GNB2: variants seen among roughly 807,000 people sequenced by gnomAD.
GNB2 encodes the protein guanine nucleotide-binding protein G(I)/G(S)/G(T) subunit beta-2.
In GNB2, 7 loss-of-function variants were observed where a neutral mutation model predicts 40.7. The observed-to-expected ratio is 0.17, with a 90% CI of 0.10 to 0.32. The LOEUF (loss-of-function observed/expected upper bound fraction) is 0.32. GNB2 is among the 10% of genes least tolerant of loss of function. The pLI, the probability that GNB2 is intolerant of heterozygous loss-of-function variation, is 1.00. For missense variants in GNB2, 286 were observed against 473.0 expected, an observed-to-expected ratio of 0.60 and a Z score of 3.67; for synonymous variants, 254 against 191.2, an observed-to-expected ratio of 1.33 and a Z score of -2.71.
Position 100,677,512 on chromosome 7 carries a change from G to A in GNB2, c.282G>A (p.Pro94=), listed in dbSNP as rs367658010. The change falls in exon 6 of 10, where the codon CCG becomes CCA. Residue 94 remains proline, a synonymous_variant. Transcript: ENST00000303210. ...CTGCTCCGCAGGTCCACGCCATCCC[G>A]CTGCGCTCCTCCTGGGTAATGACCT... The part of the protein sequence containing the change: ...SYTTNKVHAI[P]LRSSWVMTCA... 2.2e-5 allele frequency: 35 copies of A among 1,613,346 alleles called. No individual in the cohort carries two copies. Among genetic ancestry groups the A allele is most frequent in the South Asian group, 7.7e-5 (7 of 91,092 alleles).
At position 100,677,980 on chromosome 7, in the gene GNB2, G is replaced by C. The variant is rs933461518; in HGVS notation, c.498-118G>C. ...GCGTCCCCTCCCCACCTAAGGCTCT[G>C]AGAAGAGCCTCCCTGGACCCTTCCA... On this transcript the variant is annotated intron_variant, in intron 7 of 9. Transcript: ENST00000303210. The C allele has an allele frequency of 1.1e-5, 12 of 1,044,722 alleles. 1 individual carries two copies. Among genetic ancestry groups the C allele is most frequent in the South Asian group, 8.3e-5 (6 of 72,146 alleles). 64.7% of individuals were successfully genotyped at this position (1,044,722 alleles called of 1,614,324 possible). A position where few individuals can be genotyped will look rare whatever the true frequency, so the allele number is the denominator to read the frequency against.
At chr7:100,676,414 G>A in intron 2 of GNB2, 92 bp downstream of exon 2, 2 of 1,277,092 alleles carry the variant, frequency 1.6e-6, no homozygotes, top group South Asian at 1.2e-5. Flanking sequence ...GGAAGGGGGA[G>A]GGAGGGCCCC....
At position 100,673,899 on chromosome 7, in the gene GNB2, C is replaced by G. The variant is rs1804296241; in HGVS notation, c.-114C>G. The G allele has an allele frequency of 5.6e-6, 1 of 179,010 alleles. No homozygotes were observed. 11.1% of individuals were successfully genotyped at this position (179,010 alleles called of 1,614,324 possible). ...GCCGCCCGCGCACCGCCAGCGACCT[C>G]CGCCGCAGAGTCCCACCGCCACAGG... On this transcript the variant is annotated 5_prime_UTR_variant, in exon 1 of 10. Coordinates refer to ENST00000303210, the MANE Select transcript of GNB2 (RefSeq NM_005273.4).
rs757418824 is a variant in GNB2 at position 100,676,292 on chromosome 7, G to A, written c.27G>A (p.Gln9=). 1.2e-6 allele frequency: 2 copies of A among 1,608,574 alleles called. No individual in the cohort carries two copies. The highest frequency in any genetic ancestry group is 1.7e-6 in the Non-Finnish European group (2 of 1,178,088). The stretch of plus-strand genomic sequence containing the variant: ...TGAGTGAGCTGGAGCAACTGAGACA[G>A]GAGGCCGAGCAGCTCCGGAACCAGA... The part of the protein sequence containing the change: MSELEQLR[Q]EAEQLRNQIR... The change falls in exon 2 of 10, where the codon CAG becomes CAA. Residue 9 remains glutamine (Q), a synonymous_variant. Transcript: ENST00000303210.
chr7:100,676,321 G>T lies in GNB2; in HGVS notation c.56G>T (p.Arg19Leu). The T allele has an allele frequency of 6.2e-7, 1 of 1,604,328 alleles. No individual in the cohort carries two copies. ...GCCGAGCAGCTCCGGAACCAGATCCGGGTGAGGGCCTGGTGCGGGGCGGGC... is the reference window on the plus strand; with the variant it reads ...GCCGAGCAGCTCCGGAACCAGATCCTGGTGAGGGCCTGGTGCGGGGCGGGC... ...QEAEQLRNQI[R>L]DARKACGDST... The change falls in exon 2 of 10, where the codon CGG becomes CTG. Residue 19 changes from arginine to leucine, a missense_variant and splice_region_variant. Arg to Leu is a moderately radical substitution (Grantham distance 102). Transcript: ENST00000303210.
rs552922010 is a variant in GNB2 at position 100,678,881 on chromosome 7, C to T, written c.*80C>T. Reference sequence around the variant, plus strand: ...ACAGGCCAGGGCTGCGGGGCTGGCGCAATCCCAGCCCCCTTCCCCGGGCCA... The same window carrying T: ...ACAGGCCAGGGCTGCGGGGCTGGCGTAATCCCAGCCCCCTTCCCCGGGCCA... On this transcript the variant is annotated 3_prime_UTR_variant, in exon 10 of 10. Coordinates refer to ENST00000303210, the MANE Select transcript of GNB2 (RefSeq NM_005273.4). The T allele has an allele frequency of 1.7e-5, 19 of 1,104,474 alleles. No individual in the cohort carries two copies. In the South Asian group the frequency reaches 2.0e-4, roughly 12 times the overall value. 68.4% of individuals were successfully genotyped at this position (1,104,474 alleles called of 1,614,324 possible).
rs145101383 is a variant in GNB2 at position 100,678,089 on chromosome 7, C to G, written c.498-9C>G. 6.2e-7 allele frequency: 1 copy of G among 1,605,252 alleles called. No homozygotes were observed. The highest frequency in any genetic ancestry group is 8.5e-7 in the Non-Finnish European group (1 of 1,171,962). Reference sequence around the variant, plus strand: ...TCTTATCTTTTCTTTCTTCCTGTCACCTCTCCAGTGCCCTGTGGGACATTG... The same window carrying G: ...TCTTATCTTTTCTTTCTTCCTGTCAGCTCTCCAGTGCCCTGTGGGACATTG... On this transcript the variant is annotated splice_polypyrimidine_tract_variant and intron_variant, in intron 7 of 9. Coordinates refer to ENST00000303210, the MANE Select transcript of GNB2 (RefSeq NM_005273.4).
chr7:100,677,359 G>C lies in GNB2; in HGVS notation c.211G>C (p.Val71Leu), dbSNP rs1490518173. 6.2e-7 allele frequency: 1 copy of C among 1,613,704 alleles called. No homozygotes were observed. The highest frequency in any genetic ancestry group is 8.5e-7 in the Non-Finnish European group (1 of 1,179,680). The stretch of plus-strand genomic sequence containing the variant: ...TACACCGTTCCCCACCAGGCTGCTG[G>C]TCAGCGCCTCCCAGGATGGGAAGCT... ...MHWGTDSRLLVSASQDGKLII... is the reference protein window; with the variant it reads ...MHWGTDSRLLLSASQDGKLII... Residue 71 changes from valine to leucine, a missense_variant, in exon 5 of 10, where the codon GTC (valine) becomes CTC (leucine). Coordinates refer to ENST00000303210, the MANE Select transcript of GNB2 (RefSeq NM_005273.4).
Position 100,679,045 on chromosome 7 carries a change from C to T in GNB2, c.*244C>T, listed in dbSNP as rs1432656470. 3.9e-6 allele frequency: 2 copies of T among 512,440 alleles called. No homozygotes were observed. The highest frequency in any genetic ancestry group is 3.0e-5 in the East Asian group (1 of 33,190). 31.7% of individuals were successfully genotyped at this position (512,440 alleles called of 1,614,324 possible). The stretch of plus-strand genomic sequence containing the variant: ...TTCTGCTGCCCTGGGGTTGGGGCCT[C>T]ACCCCTCTGGAGGGCCGGAGGCAGG... On this transcript the variant is annotated 3_prime_UTR_variant, in exon 10 of 10. Coordinates refer to ENST00000303210, the MANE Select transcript of GNB2 (RefSeq NM_005273.4).
intron 1 of GNB2, chr7:100,675,473 C>G (rs979821441): frequency 2.0e-5 from 3 of 148,300 alleles, no homozygotes; most frequent in Non-Finnish European, 4.5e-5. Context: ...AGCGCCCAAT[C>G]GGCTTTTCCC....
chr7:100,678,007 A>G, intron 7 of GNB2, 91 bp from the exon 8 acceptor site: 4 of 1,168,860 alleles, frequency 3.4e-6, no homozygotes, highest in Non-Finnish European at 3.8e-6. Context: ...ACCCTTCCAC[A>G]GGGTTGGGCT....
Position 100,677,603 on chromosome 7 carries a change from A to G in GNB2, c.373A>G (p.Ser125Gly). Residue 125 changes from serine (S) to glycine (G), a missense_variant, in exon 6 of 10, where the codon AGC becomes GGC. Transcript: ENST00000303210. ...GTTGGACAACATCTGCTCCATCTAC[A>G]GCCTCAAGACCCGCGAGGGCAACGT... ...GGLDNICSIY[S>G]LKTREGNVRV... 4 of 1,613,446 alleles carry G rather than the reference A, an allele frequency of 2.5e-6. No individual in the cohort carries two copies. The highest frequency in any genetic ancestry group is 3.4e-6 in the Non-Finnish European group (4 of 1,180,018).
Position 100,678,828 on chromosome 7 carries a change from C to A in GNB2, c.*27C>A. 1 of 1,526,630 alleles carries A rather than the reference C, an allele frequency of 6.6e-7. No individual in the cohort carries two copies. Among genetic ancestry groups the A allele is most frequent in the Non-Finnish European group, 9.1e-7 (1 of 1,101,346 alleles). The allele number at this position is 1,526,630 out of a possible 1,614,324, so 94.6% of individuals were successfully genotyped here. On this transcript the variant is annotated 3_prime_UTR_variant, in exon 10 of 10. Transcript: ENST00000303210. ...GGCCCCACCCCCACTGGGCCCAGGC[C>A]AGGAGGGGCCCTGCCCATGCCCACA...
intron 1 of GNB2, chr7:100,675,621 G>A (rs1329492394): frequency 6.6e-6 from 1 of 152,424 alleles, no homozygotes; most frequent in African/African-American, 2.4e-5. Flanking sequence ...AACGGGGCTA[G>A]GGTGGGGGCA....
At chr7:100,676,102 GGCC>G (rs1471301886) in intron 1 of GNB2, 72 bp from the exon 2 acceptor site, 1 of 544,666 alleles carries the variant, frequency 1.8e-6, no homozygotes, top group African/African-American at 2.0e-5. Context: ...ACCCCTTCCG[GGCC>G]GCGCTGCAAC....
intron 6 of GNB2, 44 bp downstream of exon 6, chr7:100,677,704 GT>G: frequency 6.2e-7 from 1 of 1,612,464 alleles, no homozygotes; most frequent in Non-Finnish European, 8.5e-7. Flanking sequence ...GGGTTGGGGG[GT>G]GCACTGCCCT....
At position 100,676,722 on chromosome 7, in the gene GNB2, A is replaced by G. The variant is rs1804357065; in HGVS notation, c.126A>G (p.Arg42=). 1 of 1,611,866 alleles carries G rather than the reference A, an allele frequency of 6.2e-7. No individual in the cohort carries two copies. Among genetic ancestry groups the G allele is most frequent in the East Asian group, 2.2e-5 (1 of 44,836 alleles). ...QITAGLDPVG[R]IQMRTRRTLR... is the part of the protein sequence containing the mutation. ...CAGCTGGGCTGGACCCAGTGGGGAG[A>G]ATCCAGATGAGGACCCGGAGGACCC... The change falls in exon 4 of 10, where the codon AGA becomes AGG. Residue 42 remains arginine (R), a synonymous_variant. Transcript: ENST00000303210.
At position 100,678,916 on chromosome 7, in the gene GNB2, G is replaced by C; in HGVS notation, c.*115G>C. On this transcript the variant is annotated 3_prime_UTR_variant, in exon 10 of 10. Transcript: ENST00000303210. ...CCCCTTCCCCGGGCCACGGGGCCTTGGGTCCCTGCCCTCCCACCCAGGTTT... is the reference window on the plus strand; with the variant it reads ...CCCCTTCCCCGGGCCACGGGGCCTTCGGTCCCTGCCCTCCCACCCAGGTTT... The C allele has an allele frequency of 1.3e-6, 1 of 789,674 alleles. No homozygotes were observed. Among genetic ancestry groups the C allele is most frequent in the East Asian group, 2.7e-5 (1 of 37,298 alleles). The allele number at this position is 789,674 out of a possible 1,614,324, so 48.9% of individuals were successfully genotyped here. A position where few individuals can be genotyped will look rare whatever the true frequency, so the allele number is the denominator to read the frequency against.
chr7:100,675,930 A>G, intron 1 of GNB2: 1 of 283,852 alleles, frequency 3.5e-6, no homozygotes, highest in Non-Finnish European at 6.5e-6. Flanking sequence ...TGTCCGAGGG[A>G]GGGGTTTCCC....
Sources: allele counts gnomAD v4.1 joint callset, GRCh38; gene constraint gnomAD v4.1.1; transcripts MANE v1.5; gene names NCBI Gene and HGNC (gene_info 2026-07-23, HGNC 2026-07-21).